Variants in TPRG1 observed in about 807,000 individuals in gnomAD.
TPRG1 encodes the protein tumor protein p63 regulated 1, also known as tumor protein p63-regulated gene 1 protein.
A neutral mutation model predicts 29.3 loss-of-function variants in TPRG1; 29 were observed. The observed-to-expected ratio is 0.99, with a 90% CI of 0.74 to 1.35. TPRG1 has a LOEUF of 1.35. Among genes scored for constraint, TPRG1 ranks in the 40% most tolerant of loss-of-function variants. The probability of loss-of-function intolerance (pLI) is 0.00; values close to 1 mark genes in which losing one functional copy is unlikely to be tolerated. For synonymous variants in TPRG1, 130 were observed against 116.8 expected (o/e 1.11, Z -0.73); for missense variants, 327 against 335.0 (o/e 0.98, Z 0.19).
At chr3:189,158,960 T>A (rs560658479) in intron 5 of TPRG1, among the ~76,000 whole-genome samples, 1 of 147,202 alleles carries the variant, frequency 6.8e-6, no homozygotes, top group South Asian at 2.2e-4. Flanking sequence ...TTTGGTCTTT[T>A]TGCCCCAGAC....
intron 4 of TPRG1, among the ~76,000 whole-genome samples, chr3:189,090,185 A>G (rs996027342): frequency 6.6e-6 from 1 of 152,068 alleles, no homozygotes; most frequent in African/African-American, 2.4e-5. Flanking sequence ...ACATCCCCCA[A>G]ATTTTGACGC....
intron 3 of TPRG1, among the ~76,000 whole-genome samples, chr3:189,223,289 G>A (rs1737211307): frequency 1.3e-5 from 2 of 152,158 alleles, no homozygotes; most frequent in South Asian, 2.1e-4. Flanking sequence ...GCAACTCAAA[G>A]CCCAGTAAGA....
chr3:189,009,489 T>TA (rs1712481831), intron 3 of TPRG1, among the ~76,000 whole-genome samples: 2 of 152,088 alleles, frequency 1.3e-5, no homozygotes, highest in Admixed American at 6.6e-5. Flanking sequence ...ATTGGATAAG[T>TA]AAAAATTCTA....
intron 1 of TPRG1, among the ~76,000 whole-genome samples, chr3:189,124,949 G>A (rs1343945355): frequency 6.6e-6 from 1 of 152,154 alleles, no homozygotes; most frequent in African/African-American, 2.4e-5. Flanking sequence ...TTTGACCAAA[G>A]TAGTATTAGA....
At chr3:189,135,346 A>T (rs1181436041) in intron 3 of TPRG1, among the ~76,000 whole-genome samples, 1 of 152,216 alleles carries the variant, frequency 6.6e-6, no homozygotes, top group African/African-American at 2.4e-5. Flanking sequence ...TTGTCTCAAC[A>T]TCTTCACATG....
intron 4 of TPRG1, among the ~76,000 whole-genome samples, chr3:189,047,440 T>C (rs966692739): frequency 6.6e-6 from 1 of 152,220 alleles, no homozygotes; most frequent in Non-Finnish European, 1.5e-5. Context: ...ATCTTTTTAC[T>C]GGTGGAGGGT....
At chr3:189,172,804 C>A (rs1056652942) in intron 1 of TPRG1, among the ~76,000 whole-genome samples, 1 of 152,132 alleles carries the variant, frequency 6.6e-6, no homozygotes, top group Non-Finnish European at 1.5e-5. Context: ...GACTACTTGG[C>A]GCCTGAGACA....
intron 4 of TPRG1, among the ~76,000 whole-genome samples, chr3:189,068,047 G>A (rs568438626): frequency 7.2e-5 from 11 of 152,194 alleles, no homozygotes; most frequent in African/African-American, 2.6e-4. Context: ...ACGTACAAAT[G>A]GCCAACAGGT....
intron 4 of TPRG1, among the ~76,000 whole-genome samples, chr3:189,279,300 A>C (rs752462392): frequency 6.6e-6 from 1 of 152,168 alleles, no homozygotes; most frequent in Admixed American, 6.5e-5. Flanking sequence ...TATCCTGTTC[A>C]ACTTTCTATG....
At chr3:189,002,771 T>C (rs115738654) in intron 2 of TPRG1, among the ~76,000 whole-genome samples, 1 of 152,132 alleles carries the variant, frequency 6.6e-6, no homozygotes, top group Non-Finnish European at 1.5e-5. Flanking sequence ...AGAGGACTTG[T>C]GGACATTAGT....
intron 4 of TPRG1, among the ~76,000 whole-genome samples, chr3:189,273,213 T>C (rs963825376): frequency 6.6e-6 from 1 of 152,304 alleles, no homozygotes; most frequent in African/African-American, 2.4e-5. Context: ...ACTATTTACT[T>C]CCTATTACTT....
chr3:189,109,172 G>T (rs1465139858), intron 1 of TPRG1, among the ~76,000 whole-genome samples: 8 of 152,074 alleles, frequency 5.3e-5, no homozygotes, highest in Non-Finnish European at 1.0e-4. Flanking sequence ...AAGGAGAAGA[G>T]GAGGAAGGGA....
intron 3 of TPRG1, among the ~76,000 whole-genome samples, chr3:189,134,242 G>A (rs978745988): frequency 6.6e-6 from 1 of 151,994 alleles, no homozygotes; most frequent in Admixed American, 6.6e-5. Flanking sequence ...TCTGCAAAAT[G>A]AACATGTTAT....
Position 189,312,145 on chromosome 3 carries a change from CTT to C in TPRG1, c.633+1608_633+1609del, listed in dbSNP as rs1278143444. On this transcript the variant is annotated intron_variant, in intron 5 of 5. Coordinates refer to ENST00000345063, the MANE Select transcript of TPRG1 (RefSeq NM_198485.4). ...TCTTTCTTTCTTTCTTTCTTTCTTT[CTT>C]TCTTTCTTTCTTTCTTTCTTTCTTT... Among the ~76,000 whole-genome samples, 47 of 45,362 alleles carry C rather than the reference CTT, an allele frequency of 1.0e-3. 1 individual carries two copies. The highest frequency in any genetic ancestry group is 1.6e-3 in the Admixed American group (6 of 3,712). 29.8% of individuals were successfully genotyped at this position (45,362 alleles called of 152,430 possible). A position where few individuals can be genotyped will look rare whatever the true frequency, so the allele number is the denominator to read the frequency against.
intron 4 of TPRG1, among the ~76,000 whole-genome samples, chr3:189,283,642 G>A (rs1717528606): frequency 6.6e-6 from 1 of 152,210 alleles, no homozygotes; most frequent in Admixed American, 6.5e-5. Context: ...TTCTGTTGGG[G>A]AACGATCAGC....
chr3:189,107,966 A>G (rs1215280524), intron 1 of TPRG1, among the ~76,000 whole-genome samples: 1 of 152,122 alleles, frequency 6.6e-6, no homozygotes, highest in Non-Finnish European at 1.5e-5. Context: ...AAGAGATTTT[A>G]TAGGCCGTTT....
intron 3 of TPRG1, among the ~76,000 whole-genome samples, chr3:189,008,285 G>A (rs557784976): frequency 2.0e-5 from 3 of 152,070 alleles, no homozygotes; most frequent in Non-Finnish European, 4.4e-5. Flanking sequence ...ACTAGGAGAG[G>A]CAGCACACTG....
At chr3:189,217,920 CA>C (rs1560566652) in intron 3 of TPRG1, 1 of 985,138 alleles carries the variant, frequency 1.0e-6, no homozygotes, top group African/African-American at 1.7e-5. Context: ...AATGAGAACA[CA>C]AAAACAAAAA....
intron 4 of TPRG1, among the ~76,000 whole-genome samples, chr3:189,298,772 T>C (rs966109980): frequency 6.6e-6 from 1 of 152,236 alleles, no homozygotes; most frequent in Non-Finnish European, 1.5e-5. Context: ...GTATGAAATA[T>C]CATAAACTTC....
Sources: gnomAD v4.1 joint callset for allele counts (sites outside exome capture counted in the v4.1 genomes callset) on GRCh38, gnomAD v4.1.1 for gene constraint, MANE v1.5 for transcripts, NCBI Gene and HGNC (gene_info 2026-07-23, HGNC 2026-07-21) for gene names.